The following TMED3 variants were observed in gnomAD, a reference collection of about 807,000 sequenced individuals.
TMED3 encodes transmembrane emp24 domain-containing protein 3.
Under a neutral mutation model 15.0 loss-of-function variants are expected in TMED3, and 9 were observed. That is an observed-to-expected ratio of 0.60 (90% CI 0.36 to 1.04). The LOEUF is 1.04. Ranked by LOEUF, TMED3 falls within the 50% of genes least tolerant of loss-of-function variation. The pLI is 0.01. For synonymous variants in TMED3, 117 were observed against 121.4 expected (o/e 0.96, Z 0.24); for missense variants, 267 against 278.9 (o/e 0.96, Z 0.30).
At chr15:79,402,606 C>A (rs942735889) in intron 2 of TMED3, among the ~76,000 whole-genome samples, 1 of 151,740 alleles carries the variant, frequency 6.6e-6, no homozygotes, top group Admixed American at 6.6e-5. Context: ...GGTGAAACCC[C>A]GTCTTTACTA....
intron 2 of TMED3, among the ~76,000 whole-genome samples, chr15:79,369,081 G>A (rs1893288828): frequency 6.7e-6 from 1 of 148,264 alleles, no homozygotes; most frequent in Non-Finnish European, 1.5e-5. Context: ...GTGGCAGAGT[G>A]AGACTCTGTC....
At chr15:79,377,270 ATGTGTGTGTGTG>A (rs56891639) in intron 2 of TMED3, among the ~76,000 whole-genome samples, 1 of 145,488 alleles carries the variant, frequency 6.9e-6, no homozygotes, top group Non-Finnish European at 1.5e-5. Context: ...GAGTGTGTGC[ATGTGTGTGTGTG>A]TGTGTGTGTG....
chr15:79,319,530 A>G (rs1007451997), intron 2 of TMED3, among the ~76,000 whole-genome samples: 2 of 152,158 alleles, frequency 1.3e-5, no homozygotes, highest in African/African-American at 4.8e-5. Flanking sequence ...CACAGGGTGG[A>G]TGGGTTTTCT....
At chr15:79,371,533 C>A (rs1893339202) in intron 2 of TMED3, among the ~76,000 whole-genome samples, 1 of 152,186 alleles carries the variant, frequency 6.6e-6, no homozygotes, top group African/African-American at 2.4e-5. Flanking sequence ...TTTCTCAAAT[C>A]TGACTCTCCA....
intron 2 of TMED3, among the ~76,000 whole-genome samples, chr15:79,388,253 G>A (rs1293629964): frequency 6.6e-6 from 1 of 152,008 alleles, no homozygotes; most frequent in East Asian, 1.9e-4. Flanking sequence ...TATCTCTTTA[G>A]ACAATAGGGA....
intron 2 of TMED3, among the ~76,000 whole-genome samples, chr15:79,409,581 G>A (rs538306699): frequency 3.5e-4 from 54 of 152,304 alleles, no homozygotes; most frequent in African/African-American, 1.2e-3. Context: ...AAATAAGGTC[G>A]TTGGAATAGA....
At chr15:79,398,852 T>C (rs1893796726) in intron 2 of TMED3, among the ~76,000 whole-genome samples, 1 of 152,172 alleles carries the variant, frequency 6.6e-6, no homozygotes, top group Non-Finnish European at 1.5e-5. Flanking sequence ...CCACCCACAA[T>C]AGGGAAGGCT....
chr15:79,346,122 GT>G (rs2058870645), intron 2 of TMED3, among the ~76,000 whole-genome samples: 1 of 152,168 alleles, frequency 6.6e-6, no homozygotes, highest in African/African-American at 2.4e-5. Context: ...TCTGTTGATA[GT>G]TTCCTCTGCT....
At chr15:79,369,384 A>G (rs1394429210) in intron 2 of TMED3, among the ~76,000 whole-genome samples, 1 of 152,184 alleles carries the variant, frequency 6.6e-6, no homozygotes, top group Non-Finnish European at 1.5e-5. Flanking sequence ...CCTGGTAAGT[A>G]AGGCACCAAG....
At chr15:79,338,410 C>A (rs1244771166) in intron 2 of TMED3, among the ~76,000 whole-genome samples, 1 of 152,148 alleles carries the variant, frequency 6.6e-6, no homozygotes, top group Non-Finnish European at 1.5e-5. Context: ...CCTGGCTTCA[C>A]CTCTTAGGGC....
At chr15:79,339,924 A>T (rs1475614508) in intron 2 of TMED3, among the ~76,000 whole-genome samples, 3 of 151,874 alleles carry the variant, frequency 2.0e-5, no homozygotes, top group African/African-American at 7.2e-5. Context: ...GGTGGTGGAG[A>T]TGATGTGTGT....
intron 2 of TMED3, among the ~76,000 whole-genome samples, chr15:79,402,526 C>A (rs1271586748): frequency 1.3e-5 from 2 of 152,120 alleles, no homozygotes; most frequent in South Asian, 2.1e-4. Flanking sequence ...ACACCTGTAA[C>A]CCCAACATTT....
intron 2 of TMED3, among the ~76,000 whole-genome samples, chr15:79,350,208 G>A (rs1272551907): frequency 2.0e-5 from 3 of 152,160 alleles, no homozygotes; most frequent in African/African-American, 4.8e-5. Flanking sequence ...ATAGCTGGAC[G>A]GTTAGATGGA....
intron 2 of TMED3, among the ~76,000 whole-genome samples, chr15:79,396,164 T>C (rs774148456): frequency 5.3e-5 from 8 of 152,252 alleles, no homozygotes; most frequent in Non-Finnish European, 1.2e-4. Context: ...ATCTTCTTTC[T>C]GGTTCCATCA....
chr15:79,391,129 G>T (rs955013743), intron 2 of TMED3, among the ~76,000 whole-genome samples: 3 of 151,304 alleles, frequency 2.0e-5, no homozygotes, highest in African/African-American at 7.3e-5. Flanking sequence ...TGCTGGGTTT[G>T]AGTTTGGTTT....
chr15:79,333,404 T>G (rs1395699492), intron 2 of TMED3, among the ~76,000 whole-genome samples: 1 of 152,232 alleles, frequency 6.6e-6, no homozygotes, highest in Non-Finnish European at 1.5e-5. Context: ...TTTTAGGTTA[T>G]GTAGAAAGCA....
At chr15:79,354,950 T>C (rs566574895) in intron 2 of TMED3, among the ~76,000 whole-genome samples, 1 of 152,244 alleles carries the variant, frequency 6.6e-6, no homozygotes, top group African/African-American at 2.4e-5. Flanking sequence ...CTATGAGTTA[T>C]TTCTCTTATT....
rs566328224 is a variant in TMED3, at chr15:79,369,854, G to A, written c.418-41546G>A. 5.3e-5 allele frequency among the ~76,000 whole-genome samples: 8 copies of A among 152,302 alleles called. No individual in the cohort carries two copies. In the East Asian group the frequency reaches 5.8e-4, roughly 11 times the overall value. ...TTTGCTGTTTCTCAGAAGGAAGGGC[G>A]ATCCTTTTTTTCCCCTTCTGCATCT... On this transcript the variant is annotated intron_variant, in intron 2 of 2. Transcript: ENST00000424155.
chr15:79,405,969 G>A (rs1234517788), intron 2 of TMED3, among the ~76,000 whole-genome samples: 1 of 152,206 alleles, frequency 6.6e-6, no homozygotes, highest in African/African-American at 2.4e-5. Flanking sequence ...CAGTCCTAGA[G>A]CCTGAGGCTG....
Sources: gnomAD v4.1 joint callset for allele counts (sites outside exome capture counted in the v4.1 genomes callset) on GRCh38, gnomAD v4.1.1 for gene constraint, MANE v1.5 for transcripts, NCBI Gene and HGNC (gene_info 2026-07-23, HGNC 2026-07-21) for gene names.